Variants in EXD1 observed in about 807,000 individuals in gnomAD.
The protein encoded by EXD1 is exonuclease 3'-5' domain containing 1.
A neutral mutation model predicts 49.1 loss-of-function variants in EXD1; 63 were observed. That is an observed-to-expected ratio of 1.28 (90% CI 1.05 to 1.58). The LOEUF (loss-of-function observed/expected upper bound fraction) is 1.58. Ranked by LOEUF, EXD1 falls within the 40% of genes most tolerant of loss-of-function variation. The pLI, the probability that EXD1 is intolerant of heterozygous loss-of-function variation, is 0.00. For missense variants in EXD1, 748 were observed against 666.0 expected (o/e 1.12, Z -1.36); for synonymous variants, 234 against 239.2 (o/e 0.98, Z 0.20).
intron 6 of EXD1, among the ~76,000 whole-genome samples, chr15:41,211,692 G>A (rs1394938976): frequency 6.6e-6 from 1 of 151,452 alleles, no homozygotes; most frequent in Non-Finnish European, 1.5e-5. Flanking sequence ...GGGCGCAGTG[G>A]CTCACGCCTG....
intron 7 of EXD1, among the ~76,000 whole-genome samples, chr15:41,209,011 A>G (rs1469271502): frequency 1.3e-5 from 2 of 152,016 alleles, no homozygotes; most frequent in Non-Finnish European, 2.9e-5. Flanking sequence ...AAGTGAATCT[A>G]TAAGGAGACA....
In EXD1 at chr15:41,196,013, A is replaced by G; in HGVS notation, c.559T>C (p.Leu187=). 6.2e-7 allele frequency: 1 copy of G among 1,613,240 alleles called. No individual in the cohort carries two copies. Among genetic ancestry groups the G allele is most frequent in the Non-Finnish European group, 8.5e-7 (1 of 1,179,744 alleles). ...LQVATNCRVY[L]FDIFLLGSRA... ...CTTCCCAGAAGGAAAATGTCAAATA[A>G]GTAAACTCGGCAATTTGTGGCCACC... The change falls in exon 8 of 12, where the codon TTA becomes CTA. Residue 187 remains leucine, a synonymous_variant. Coordinates refer to ENST00000458580, the MANE Select transcript of EXD1 (RefSeq NM_001286441.2).
chr15:41,223,017 C>T (rs1469138013), intron 2 of EXD1, among the ~76,000 whole-genome samples: 1 of 150,198 alleles, frequency 6.7e-6, no homozygotes, highest in African/African-American at 2.4e-5. Flanking sequence ...GGAGCACAAT[C>T]ATAGCTCACT....
At chr15:41,201,013 A>G (rs1343906463) in intron 7 of EXD1, among the ~76,000 whole-genome samples, 1 of 151,768 alleles carries the variant, frequency 6.6e-6, no homozygotes, top group Non-Finnish European at 1.5e-5. Flanking sequence ...AGTTGGGGTT[A>G]CAGGTACGTG....
chr15:41,214,390 G>A (rs1237409600), intron 6 of EXD1, among the ~76,000 whole-genome samples: 1 of 151,512 alleles, frequency 6.6e-6, no homozygotes, highest in Admixed American at 6.6e-5. Flanking sequence ...GTGCATGCCT[G>A]TAATACCAGC....
rs1011119614 is a variant in EXD1 at position 41,183,609 on chromosome 15, G to A, written c.*322C>T. On this transcript the variant is annotated 3_prime_UTR_variant, in exon 12 of 12. Transcript: ENST00000458580. ...AAGAAGCAAAACAAAATTTGAAAAT[G>A]ATGGAGTCTTCCTGATACTAAGCCC... The A allele has an allele frequency of 5.3e-5, 11 of 207,798 alleles. No homozygotes were observed. The highest frequency in any genetic ancestry group is 2.9e-4 in the Admixed American group (5 of 17,262). 12.9% of individuals were successfully genotyped at this position (207,798 alleles called of 1,614,324 possible).
chr15:41,199,877 C>CAT (rs560208643), intron 7 of EXD1, among the ~76,000 whole-genome samples: 7 of 141,344 alleles, frequency 5.0e-5, no homozygotes, highest in South Asian at 2.2e-4. Context: ...GTATATATAT[C>CAT]ATATATATAT....
chr15:41,229,158 G>A (rs1230283376), intron 1 of EXD1, among the ~76,000 whole-genome samples: 2 of 152,138 alleles, frequency 1.3e-5, no homozygotes, highest in Non-Finnish European at 2.9e-5. Flanking sequence ...ACATCACTAG[G>A]TTAGACAAGT....
chr15:41,212,853 A>G (rs1402154818), intron 6 of EXD1, among the ~76,000 whole-genome samples: 1 of 152,140 alleles, frequency 6.6e-6, no homozygotes, highest in Non-Finnish European at 1.5e-5. Flanking sequence ...AGCTTAGGCA[A>G]CATAACGAGA....
At chr15:41,195,646 G>T in intron 9 of EXD1, 129 bp downstream of exon 9, 3 of 527,194 alleles carry the variant, frequency 5.7e-6, no homozygotes, top group Non-Finnish European at 9.2e-6. Context: ...CATGAAAAGT[G>T]AGCAGAAATG....
chr15:41,223,898 A>T (rs1293171090), intron 2 of EXD1, among the ~76,000 whole-genome samples: 4 of 151,868 alleles, frequency 2.6e-5, no homozygotes, highest in African/African-American at 9.7e-5. Flanking sequence ...ATTAAAAATA[A>T]TTTTTCTACA....
chr15:41,198,701 A>T (rs1433847848), intron 7 of EXD1, among the ~76,000 whole-genome samples: 1 of 84,430 alleles, frequency 1.2e-5, no homozygotes, highest in Non-Finnish European at 2.1e-5. Flanking sequence ...TTTTTTAATT[A>T]AAAAAAATTT....
At chr15:41,189,876 C>T (rs1332571240) in intron 11 of EXD1, 61 bp downstream of exon 11, 12 of 1,533,920 alleles carry the variant, frequency 7.8e-6, no homozygotes, top group Non-Finnish European at 9.9e-6. Context: ...AAGGGTATCA[C>T]TGTGTCTGCC....
chr15:41,188,187 T>A (rs2046445828), intron 11 of EXD1, among the ~76,000 whole-genome samples: 1 of 151,974 alleles, frequency 6.6e-6, no homozygotes, highest in Admixed American at 6.6e-5. Context: ...CTTTTTTTTT[T>A]AACAATACTT....
chr15:41,212,508 G>T (rs1240493976), intron 6 of EXD1, among the ~76,000 whole-genome samples: 1 of 151,960 alleles, frequency 6.6e-6, no homozygotes, highest in Non-Finnish European at 1.5e-5. Context: ...GTAAAATAGT[G>T]CAACAGCTTT....
rs760764850 is a variant in EXD1 at position 41,226,459 on chromosome 15, A to G, written c.117T>C (p.Ile39=). ...GAACAAGACCTTTCTTCAGGACAAC[A>G]ATCTTATTAGGGTCAACATGCTGAA... ...GVLQHVDPNK[I]VVLKKVKNVE... Residue 39 remains isoleucine (I), a synonymous_variant, in exon 2 of 12, where the codon ATT becomes ATC. Transcript: ENST00000458580. 2.1e-5 allele frequency: 33 copies of G among 1,536,022 alleles called. No homozygotes were observed. In the South Asian group the frequency reaches 3.9e-4, roughly 18 times the overall value.
At chr15:41,198,477 A>G (rs1166637453) in intron 7 of EXD1, among the ~76,000 whole-genome samples, 1 of 152,028 alleles carries the variant, frequency 6.6e-6, no homozygotes, top group African/African-American at 2.4e-5. Context: ...GGATCTCTTG[A>G]ACCCAGGAGT....
intron 9 of EXD1, among the ~76,000 whole-genome samples, chr15:41,193,198 G>A (rs2046557630): frequency 1.3e-5 from 2 of 152,248 alleles, no homozygotes; most frequent in Admixed American, 6.5e-5. Context: ...GATTACAGGC[G>A]TGAGCCACTG....
chr15:41,191,603 GACAA>G lies in EXD1; in HGVS notation c.721-22_721-19del. The G allele has an allele frequency of 6.2e-7, 1 of 1,612,152 alleles. No homozygotes were observed. The highest frequency in any genetic ancestry group is 2.2e-5 in the East Asian group (1 of 44,844). On this transcript the variant is annotated intron_variant, in intron 9 of 11. Transcript: ENST00000458580. ...TCTGCTACCTGTGGTATTTTAAAAA[GACAA>G]ACAGACCAGTTGAATATATACAGAG...
Sources: gnomAD v4.1 joint callset for allele counts (sites outside exome capture counted in the v4.1 genomes callset) on GRCh38, gnomAD v4.1.1 for gene constraint, MANE v1.5 for transcripts, NCBI Gene and HGNC (gene_info 2026-07-23, HGNC 2026-07-21) for gene names.